The following PCDHGB1 variants were observed in gnomAD, a reference collection of about 807,000 sequenced individuals.
PCDHGB1 encodes the protein protocadherin gamma subfamily B, 1, also known as protocadherin gamma-B1.
A neutral mutation model predicts 56.6 loss-of-function variants in PCDHGB1; 34 were observed. The ratio of observed to expected loss-of-function variants is 0.60; its 90% confidence interval spans 0.46 to 0.80. The LOEUF (loss-of-function observed/expected upper bound fraction) is 0.80, where lower values mean the gene tolerates loss of function less well. Among genes scored for constraint, PCDHGB1 ranks in the 30% least tolerant of loss-of-function variants. The pLI is 0.00. For missense variants in PCDHGB1, 1,278 were observed against 1,204.6 expected (o/e 1.06, Z -0.90); for synonymous variants, 561 against 505.9 (o/e 1.11, Z -1.46).
At chr5:141,393,405 C>G (rs777100284) in intron 1 of PCDHGB1, 1 of 1,613,914 alleles carries the variant, frequency 6.2e-7, no homozygotes, top group Admixed American at 1.7e-5. Flanking sequence ...GGTGCTGGAG[C>G]GCGCCCTGGA....
rs189987196 is a variant in PCDHGB1, at chr5:141,420,754, C to T, written c.2409+68085C>T. Among the ~76,000 whole-genome samples, 291 of 152,292 alleles carry T rather than the reference C, an allele frequency of 1.9e-3. 2 individuals carry two copies. The highest frequency in any genetic ancestry group is 3.6e-3 in the Non-Finnish European group (248 of 68,020). On this transcript the variant is annotated intron_variant, in intron 1 of 3. Coordinates refer to ENST00000523390, the MANE Select transcript of PCDHGB1 (RefSeq NM_018922.3). ...TAAAATCAATTGGAACCAACTACAA[C>T]CTACAAGTTTTCAGCTCCAGTAATA... is the stretch of plus-strand genomic sequence containing the variant.
chr5:141,371,859 T>A (rs1314195914), intron 1 of PCDHGB1: 1 of 1,613,576 alleles, frequency 6.2e-7, no homozygotes, highest in Non-Finnish European at 8.5e-7. Context: ...CCTTGTCTCC[T>A]ACTACATCGT....
chr5:141,361,237 T>C (rs1419156322), intron 1 of PCDHGB1: 4 of 1,613,848 alleles, frequency 2.5e-6, no homozygotes, highest in Non-Finnish European at 3.4e-6. Context: ...AGTGATCGCC[T>C]TGATAAAAAC....
chr5:141,477,568 C>G lies in PCDHGB1; in HGVS notation c.2410-17239C>G. 1 of 1,614,172 alleles carries G rather than the reference C, an allele frequency of 6.2e-7. No individual in the cohort carries two copies. Among genetic ancestry groups the G allele is most frequent in the Non-Finnish European group, 8.5e-7 (1 of 1,180,044 alleles). On this transcript the variant is annotated intron_variant, in intron 1 of 3. Coordinates refer to ENST00000523390, the MANE Select transcript of PCDHGB1 (RefSeq NM_018922.3). The surrounding 1 kb of genome is among the most constrained non-coding windows in gnomAD (Gnocchi z 4.9). ...TACTAAACCTAAGTGTCTGGGACCC[C>G]GACGCCCCGCAGAATGCTCGGCTTT...
intron 1 of PCDHGB1, chr5:141,478,670 C>G: frequency 6.4e-7 from 1 of 1,551,664 alleles, no homozygotes; most frequent in East Asian, 2.4e-5. Flanking sequence ...TTCACACTTT[C>G]AACTGGCCCT....
chr5:141,481,260 A>C (rs2099534771), intron 1 of PCDHGB1, among the ~76,000 whole-genome samples: 1 of 152,166 alleles, frequency 6.6e-6, no homozygotes, highest in Non-Finnish European at 1.5e-5. Context: ...CTAAAAGATC[A>C]CTGTAGGAAG....
chr5:141,418,902 T>A, intron 1 of PCDHGB1: 3 of 1,613,930 alleles, frequency 1.9e-6, no homozygotes, highest in Non-Finnish European at 2.5e-6. Context: ...CCAGAAATAA[T>A]CATCACGTCA....
At chr5:141,413,520 A>G in intron 1 of PCDHGB1, 1 of 1,613,986 alleles carries the variant, frequency 6.2e-7, no homozygotes, top group Non-Finnish European at 8.5e-7. Flanking sequence ...TCCTTGTGGA[A>G]GACAGGGTGA....
At chr5:141,443,093 C>T (rs1316602934) in intron 1 of PCDHGB1, among the ~76,000 whole-genome samples, 2 of 151,940 alleles carry the variant, frequency 1.3e-5, no homozygotes, top group African/African-American at 4.8e-5. Flanking sequence ...CAGTCTCCTT[C>T]TCAAGCTGAA....
intron 1 of PCDHGB1, chr5:141,364,139 G>A: frequency 2.0e-6 from 1 of 499,708 alleles, no homozygotes; most frequent in Admixed American, 3.8e-5. Flanking sequence ...TGACCAAAGT[G>A]GGAAAGAAGC....
intron 2 of PCDHGB1, among the ~76,000 whole-genome samples, chr5:141,504,799 C>A (rs1474096570): frequency 6.6e-6 from 1 of 151,994 alleles, no homozygotes; most frequent in African/African-American, 2.4e-5. Context: ...CCTACATCTC[C>A]CCCTAGGTAC....
intron 1 of PCDHGB1, chr5:141,414,320 A>G: frequency 1.9e-6 from 3 of 1,613,840 alleles, no homozygotes; most frequent in Middle Eastern, 1.6e-4. Flanking sequence ...GACTCTGAGC[A>G]GAATGGACAG....
chr5:141,399,195 G>A (rs773731727), intron 1 of PCDHGB1: 5 of 1,613,852 alleles, frequency 3.1e-6, no homozygotes, highest in Non-Finnish European at 4.2e-6. Context: ...TGGAAAACGC[G>A]GTGCCTGGAA....
chr5:141,479,035 C>A (rs2099486361), intron 1 of PCDHGB1, among the ~76,000 whole-genome samples: 1 of 152,104 alleles, frequency 6.6e-6, no homozygotes, highest in Non-Finnish European at 1.5e-5. Context: ...TTATACAGAT[C>A]GTGTACCTCA....
chr5:141,405,010 CT>C (rs2094596164), intron 1 of PCDHGB1: 3 of 1,614,014 alleles, frequency 1.9e-6, no homozygotes, highest in Non-Finnish European at 2.5e-6. Context: ...ACCTGGAGGC[CT>C]CAGACCTTAC....
intron 1 of PCDHGB1, among the ~76,000 whole-genome samples, chr5:141,457,343 T>C (rs1372992422): frequency 6.6e-6 from 1 of 152,240 alleles, no homozygotes; most frequent in African/African-American, 2.4e-5. Flanking sequence ...TTACTTACTT[T>C]CATTACCTGG....
At position 141,384,871 on chromosome 5, in the gene PCDHGB1, G is replaced by A. The variant is rs769607351; in HGVS notation, c.2409+32202G>A. On this transcript the variant is annotated intron_variant, in intron 1 of 3. Coordinates refer to ENST00000523390, the MANE Select transcript of PCDHGB1 (RefSeq NM_018922.3). ...CGGTCAGCCTCCTCTGTCAGCCACC[G>A]TCACACTCACCGTGGCTGTGGCTGA... is the stretch of plus-strand genomic sequence containing the variant. 9 of 1,613,648 alleles carry A rather than the reference G, an allele frequency of 5.6e-6. No individual in the cohort carries two copies. Among genetic ancestry groups the A allele is most frequent in the South Asian group, 1.1e-5 (1 of 91,092 alleles).
rs754610588 is a variant in PCDHGB1, at chr5:141,384,105, T to C, written c.2409+31436T>C. 31 of 1,601,620 alleles carry C rather than the reference T, an allele frequency of 1.9e-5. No individual in the cohort carries two copies. The East Asian group carries it at 2.5e-4, about 13-fold the overall frequency. ...TAGAAAAATCAATAGATAATTATTA[T>C]AGATTGGTCACAACCAAAAACTTGG... On this transcript the variant is annotated intron_variant, in intron 1 of 3. Transcript: ENST00000523390.
chr5:141,409,357 T>A, intron 1 of PCDHGB1: 2 of 1,613,968 alleles, frequency 1.2e-6, no homozygotes, highest in Non-Finnish European at 1.7e-6. Context: ...TCAGGTGTAA[T>A]ATAGAAACAG....
Sources: gnomAD v4.1 joint callset for allele counts (sites outside exome capture counted in the v4.1 genomes callset) on GRCh38, gnomAD v4.1.1 for gene constraint, Gnocchi (gnomAD v3.1) non-coding constraint, MANE v1.5 for transcripts, NCBI Gene and HGNC (gene_info 2026-07-23, HGNC 2026-07-21) for gene names.